The following LRMDA variants were observed in gnomAD, a reference collection of about 807,000 sequenced individuals.
LRMDA encodes the protein leucine-rich melanocyte differentiation-associated protein.
A neutral mutation model predicts 29.8 loss-of-function variants in LRMDA; 18 were observed. The observed-to-expected ratio is 0.60, with a 90% CI of 0.42 to 0.90. LRMDA has a LOEUF of 0.90. Ranked by LOEUF, LRMDA falls within the 40% of genes least tolerant of loss-of-function variation. The pLI is 0.00. For synonymous variants in LRMDA, 125 were observed against 109.4 expected (o/e 1.14, Z -0.89); for missense variants, 273 against 273.9 (o/e 1.00, Z 0.02).
chr10:75,957,831 C>G (rs751690637), intron 2 of LRMDA, among the ~76,000 whole-genome samples: 4 of 152,020 alleles, frequency 2.6e-5, no homozygotes, highest in Non-Finnish European at 4.4e-5. Flanking sequence ...ATGAGGATGA[C>G]GAGGGCTTTG....
At chr10:75,581,269 A>G (rs565210644) in intron 2 of LRMDA, among the ~76,000 whole-genome samples, 2 of 152,336 alleles carry the variant, frequency 1.3e-5, no homozygotes, top group East Asian at 1.9e-4. Flanking sequence ...ATGAACAGAC[A>G]CTTCTCAAAA....
chr10:76,316,389 C>A (rs1046670753), intron 5 of LRMDA, among the ~76,000 whole-genome samples: 1 of 152,068 alleles, frequency 6.6e-6, no homozygotes, highest in Non-Finnish European at 1.5e-5. Context: ...CCTGGCCGTG[C>A]GCTGTGGCCG....
chr10:76,409,308 A>G (rs1054508130), intron 6 of LRMDA, among the ~76,000 whole-genome samples: 6 of 152,182 alleles, frequency 3.9e-5, no homozygotes, highest in African/African-American at 1.4e-4. Context: ...CCAGTGTTCC[A>G]TTATTGGAAT....
At chr10:76,358,489 T>C (rs1478267703) in intron 6 of LRMDA, among the ~76,000 whole-genome samples, 6 of 152,190 alleles carry the variant, frequency 3.9e-5, no homozygotes, top group East Asian at 3.9e-4. Context: ...ATGTTTCTGA[T>C]GGTTTTCTCA....
intron 2 of LRMDA, among the ~76,000 whole-genome samples, chr10:75,869,453 G>T (rs1320697637): frequency 6.6e-6 from 1 of 152,130 alleles, no homozygotes; most frequent in Non-Finnish European, 1.5e-5. Flanking sequence ...ATGTTAGCTC[G>T]TCTTATCTTT....
chr10:75,946,687 C>G (rs1331017705), intron 2 of LRMDA, among the ~76,000 whole-genome samples: 1 of 152,126 alleles, frequency 6.6e-6, no homozygotes, highest in Non-Finnish European at 1.5e-5. Context: ...CAGATCTGGT[C>G]CTTTCCCATT....
chr10:75,956,394 C>T (rs1321496947), intron 2 of LRMDA, among the ~76,000 whole-genome samples: 1 of 152,134 alleles, frequency 6.6e-6, no homozygotes, highest in Admixed American at 6.6e-5. Flanking sequence ...CTCTGAATTG[C>T]CTCTCATTTG....
chr10:76,334,871 G>A (rs1840948662), intron 6 of LRMDA, among the ~76,000 whole-genome samples: 1 of 152,180 alleles, frequency 6.6e-6, no homozygotes, highest in South Asian at 2.1e-4. Context: ...TGAAAAAGAA[G>A]CTGTGGGCTC....
intron 2 of LRMDA, among the ~76,000 whole-genome samples, chr10:75,729,430 C>T (rs1041085286): frequency 2.0e-5 from 3 of 152,154 alleles, no homozygotes; most frequent in African/African-American, 4.8e-5. Context: ...TTTTGGACAA[C>T]GTGAGCATAT....
intron 2 of LRMDA, among the ~76,000 whole-genome samples, chr10:75,482,931 A>ACCTTTCCTTTCCTTT (rs546277448): frequency 6.6e-6 from 1 of 151,510 alleles, no homozygotes; most frequent in African/African-American, 2.4e-5. Flanking sequence ...AGCTTAGTTA[A>ACCTTTCCTTTCCTTT]CCTTTCCTTT....
chr10:76,489,166 CTT>C (rs1333055561), intron 6 of LRMDA, among the ~76,000 whole-genome samples: 1 of 151,752 alleles, frequency 6.6e-6, no homozygotes, highest in Non-Finnish European at 1.5e-5. Flanking sequence ...TGCTGGGAGA[CTT>C]TTTATTACAG....
chr10:75,439,528 G>A (rs144519525), intron 2 of LRMDA, among the ~76,000 whole-genome samples: 289 of 152,344 alleles, frequency 1.9e-3, no homozygotes, highest in African/African-American at 6.4e-3. Flanking sequence ...GGGTAATAAG[G>A]CACGAGAGGT....
chr10:75,578,102 TAA>T (rs1434578219), intron 2 of LRMDA, among the ~76,000 whole-genome samples: 3 of 148,962 alleles, frequency 2.0e-5, no homozygotes, highest in Non-Finnish European at 4.4e-5. Flanking sequence ...GCAACCTGGA[TAA>T]AGAGTCAAGA....
intron 6 of LRMDA, among the ~76,000 whole-genome samples, chr10:76,444,395 T>G (rs1842333036): frequency 6.6e-6 from 1 of 152,192 alleles, no homozygotes; most frequent in South Asian, 2.1e-4. Context: ...TAATGAGAGC[T>G]GGGCTCGAGC....
chr10:76,491,895 A>G (rs1842837311), intron 6 of LRMDA, among the ~76,000 whole-genome samples: 2 of 151,696 alleles, frequency 1.3e-5, no homozygotes, highest in East Asian at 2.0e-4. Flanking sequence ...TTTCTTTTAT[A>G]TTCTCTGACT....
intron 5 of LRMDA, among the ~76,000 whole-genome samples, chr10:76,293,352 C>T (rs538947828): frequency 3.3e-5 from 5 of 152,152 alleles, no homozygotes; most frequent in South Asian, 2.1e-4. Context: ...GTCTGTAAAA[C>T]GAGAGGGTAA....
chr10:76,000,194 G>A (rs1847537304), intron 2 of LRMDA, among the ~76,000 whole-genome samples: 1 of 152,124 alleles, frequency 6.6e-6, no homozygotes, highest in African/African-American at 2.4e-5. Flanking sequence ...ACGGGGGCTG[G>A]GAGGATGGCG....
At chr10:75,606,405 A>G (rs1486490162) in intron 2 of LRMDA, among the ~76,000 whole-genome samples, 1 of 152,218 alleles carries the variant, frequency 6.6e-6, no homozygotes, top group Non-Finnish European at 1.5e-5. Context: ...GAAGGTATTG[A>G]AACCAGAAAT....
At chr10:75,749,127 T>C (rs902683576) in intron 2 of LRMDA, among the ~76,000 whole-genome samples, 17 of 152,226 alleles carry the variant, frequency 1.1e-4, no homozygotes, top group Non-Finnish European at 2.5e-4. Context: ...ATGAGGATGA[T>C]GTCCTTTACG....
Sources: allele counts gnomAD v4.1 joint callset (sites outside exome capture counted in the v4.1 genomes callset), GRCh38; gene constraint gnomAD v4.1.1; transcripts MANE v1.5; gene names NCBI Gene and HGNC (gene_info 2026-07-23, HGNC 2026-07-21).